The following OR52B6 variants were observed in gnomAD, a reference collection of about 807,000 sequenced individuals.
The protein encoded by OR52B6 is olfactory receptor family 52 subfamily B member 6.
For synonymous variants in OR52B6, 169 were observed against 160.0 expected (o/e 1.06, Z -0.42); for missense variants, 433 against 416.8 (o/e 1.04, Z -0.34).
rs1328807238 is a variant in OR52B6, at chr11:5,581,130, T to A, written c.254T>A (p.Met85Lys). 6.2e-7 allele frequency: 1 copy of A among 1,614,060 alleles called. No individual in the cohort carries two copies. The highest frequency in any genetic ancestry group is 2.2e-5 in the East Asian group (1 of 44,888). Residue 85 changes from methionine (M) to lysine (K), a missense_variant, in exon 1 of 1, where the codon ATG becomes AAG. Physicochemically the swap from Met to Lys is moderately conservative, Grantham distance 95. Transcript: ENST00000345043. ...LHEPMYIFLS[M>K]LASADVLLST... ...GAGCCCATGTACATATTCTTATCTA[T>A]GCTGGCCAGTGCTGATGTCTTGCTC... is the stretch of plus-strand genomic sequence containing the variant.
rs754714206 is a variant in OR52B6 at position 5,581,105 on chromosome 11, G to C, written c.229G>C (p.Glu77Gln). 6.2e-7 allele frequency: 1 copy of C among 1,614,194 alleles called. No individual in the cohort carries two copies. ...CATCCTCTCCCAGGCAATCCTGCAT[G>C]AGCCCATGTACATATTCTTATCTAT... ...CVILSQAILH[E>Q]PMYIFLSMLA... is the part of the protein sequence containing the mutation. Residue 77 changes from glutamate to glutamine, a missense_variant, in exon 1 of 1, where the codon GAG becomes CAG. Coordinates refer to ENST00000345043, the MANE Select transcript of OR52B6 (RefSeq NM_001005162.2).
rs1847167848 is a variant in OR52B6, at chr11:5,581,594, A to G, written c.718A>G (p.Ile240Val). Residue 240 changes from isoleucine (I) to valine (V), a missense_variant, in exon 1 of 1, where the codon ATC becomes GTC. Coordinates refer to ENST00000345043, the MANE Select transcript of OR52B6 (RefSeq NM_001005162.2). ...IMLITVSYIH[I>V]LQAVFRLLSQ... ...GCTTATTACTGTTTCCTACATCCACATCCTCCAAGCAGTCTTCCGCCTCCT... is the reference window on the plus strand; with the variant it reads ...GCTTATTACTGTTTCCTACATCCACGTCCTCCAAGCAGTCTTCCGCCTCCT... The G allele has an allele frequency of 6.2e-7, 1 of 1,613,874 alleles. No homozygotes were observed. Among genetic ancestry groups the G allele is most frequent in the African/African-American group, 1.3e-5 (1 of 74,834 alleles).
At position 5,580,972 on chromosome 11, in the gene OR52B6, C is replaced by A; in HGVS notation, c.96C>A (p.Cys32Ter). Residue 32 changes from cysteine (C) to a stop codon, truncating the protein, a stop_gained, in exon 1 of 1, where the codon TGC (cysteine) becomes TGA (stop). Transcript: ENST00000345043. LOFTEE classifies it low-confidence loss of function (END_TRUNC). The part of the protein sequence containing the change: ...MNNSDTRIAG[C>*]FLTGIPGLEQ... ...ACTCTGACACTCGCATAGCAGGCTG[C>A]TTCCTCACTGGCATCCCTGGGCTGG... The A allele has an allele frequency of 6.2e-7, 1 of 1,613,990 alleles. No individual in the cohort carries two copies. The highest frequency in any genetic ancestry group is 8.5e-7 in the Non-Finnish European group (1 of 1,179,922).
At position 5,581,617 on chromosome 11, in the gene OR52B6, C is replaced by A. The variant is rs1427484443; in HGVS notation, c.741C>A (p.Leu247=). 2.5e-6 allele frequency: 4 copies of A among 1,614,058 alleles called. No homozygotes were observed. The highest frequency in any genetic ancestry group is 3.4e-6 in the Non-Finnish European group (4 of 1,180,048). Residue 247 remains leucine, a synonymous_variant, in exon 1 of 1, where the codon CTC becomes CTA. Transcript: ENST00000345043. ...YIHILQAVFR[L]LSQDARSKAL... ...ACATCCTCCAAGCAGTCTTCCGCCT[C>A]CTTTCTCAAGATGCCCGCTCCAAGG... is the stretch of plus-strand genomic sequence containing the variant.
Position 5,581,835 on chromosome 11 carries a change from T to A in OR52B6, c.959T>A (p.Leu320Gln), listed in dbSNP as rs1270665275. 2 of 1,608,516 alleles carry A rather than the reference T, an allele frequency of 1.2e-6. No individual in the cohort carries two copies. Among genetic ancestry groups the A allele is most frequent in the East Asian group, 4.5e-5 (2 of 44,878 alleles). ...TATGGAGTGAGGACTAAGCCAATAC[T>A]GGAAGGGGCTAAGCAGATGTTTTCA... is the stretch of plus-strand genomic sequence containing the variant. ...VIYGVRTKPILEGAKQMFSNL... is the reference protein window; with the variant it reads ...VIYGVRTKPIQEGAKQMFSNL... Residue 320 changes from leucine to glutamine, a missense_variant, in exon 1 of 1, where the codon CTG becomes CAG. Coordinates refer to ENST00000345043, the MANE Select transcript of OR52B6 (RefSeq NM_001005162.2).
Position 5,580,901 on chromosome 11 carries a change from A to G in OR52B6, c.25A>G (p.Lys9Glu). MAQVRALH[K>E]IMALFSANSI... Reference sequence around the variant, plus strand: ...TATGGCACAGGTGAGGGCGCTGCATAAAATCATGGCCCTTTTTTCTGCTAA... The same window carrying G: ...TATGGCACAGGTGAGGGCGCTGCATGAAATCATGGCCCTTTTTTCTGCTAA... Residue 9 changes from lysine to glutamate, a missense_variant, in exon 1 of 1, where the codon AAA (lysine) becomes GAA (glutamate). Transcript: ENST00000345043. 1 of 1,584,054 alleles carries G rather than the reference A, an allele frequency of 6.3e-7. No individual in the cohort carries two copies. Among genetic ancestry groups the G allele is most frequent in the Non-Finnish European group, 8.6e-7 (1 of 1,167,214 alleles).
Position 5,581,301 on chromosome 11 carries a change from A to G in OR52B6, c.425A>G (p.Tyr142Cys). 6.2e-7 allele frequency: 1 copy of G among 1,613,740 alleles called. No homozygotes were observed. Among genetic ancestry groups the G allele is most frequent in the Non-Finnish European group, 8.5e-7 (1 of 1,179,866 alleles). ...CTGCTGGCCATGGCCTTTGACCGCT[A>G]TGTGGCCATCTGCTCCCCCCTGCGA... ...AVLLAMAFDRYVAICSPLRYV... is the reference protein window; with the variant it reads ...AVLLAMAFDRCVAICSPLRYV... The change falls in exon 1 of 1, where the codon TAT (tyrosine) becomes TGT (cysteine). Residue 142 changes from tyrosine to cysteine, a missense_variant. Coordinates refer to ENST00000345043, the MANE Select transcript of OR52B6 (RefSeq NM_001005162.2).
At position 5,581,158 on chromosome 11, in the gene OR52B6, T is replaced by C. The variant is rs1336995042; in HGVS notation, c.282T>C (p.Ser94=). Residue 94 remains serine (S), a synonymous_variant, in exon 1 of 1, where the codon TCT becomes TCC. Coordinates refer to ENST00000345043, the MANE Select transcript of OR52B6 (RefSeq NM_001005162.2). ...TGGCCAGTGCTGATGTCTTGCTCTC[T>C]ACCACCACCATGCCTAAGGCCCTGG... The part of the protein sequence containing the change: ...SMLASADVLL[S]TTTMPKALAN... 1 of 1,613,446 alleles carries C rather than the reference T, an allele frequency of 6.2e-7. No individual in the cohort carries two copies. The highest frequency in any genetic ancestry group is 1.7e-5 in the Admixed American group (1 of 59,984).
chr11:5,581,584 C>T lies in OR52B6; in HGVS notation c.708C>T (p.Ser236=). ...TGLDIMLITV[S]YIHILQAVFR... ...TAGACATCATGCTTATTACTGTTTC[C>T]TACATCCACATCCTCCAAGCAGTCT... is the stretch of plus-strand genomic sequence containing the variant. Residue 236 remains serine, a synonymous_variant, in exon 1 of 1, where the codon TCC becomes TCT. Coordinates refer to ENST00000345043, the MANE Select transcript of OR52B6 (RefSeq NM_001005162.2). The T allele has an allele frequency of 6.2e-7, 1 of 1,614,106 alleles. No homozygotes were observed. Among genetic ancestry groups the T allele is most frequent in the Non-Finnish European group, 8.5e-7 (1 of 1,180,000 alleles).
rs1428447248 is a variant in OR52B6, at chr11:5,581,792, A to G, written c.916A>G (p.Met306Val). ...CAGCCTCTACGTTGTCATTCCTCCT[A>G]TGCTCAATCCCGTTATTTATGGAGT... ...LASLYVVIPPMLNPVIYGVRT... is the reference protein window; with the variant it reads ...LASLYVVIPPVLNPVIYGVRT... The change falls in exon 1 of 1, where the codon ATG becomes GTG. Residue 306 changes from methionine to valine, a missense_variant. Coordinates refer to ENST00000345043, the MANE Select transcript of OR52B6 (RefSeq NM_001005162.2). The G allele has an allele frequency of 6.2e-7, 1 of 1,613,394 alleles. No homozygotes were observed. Among genetic ancestry groups the G allele is most frequent in the Admixed American group, 1.7e-5 (1 of 59,982 alleles).
Position 5,581,104 on chromosome 11 carries a change from T to C in OR52B6, c.228T>C (p.His76=). The C allele has an allele frequency of 1.9e-6, 3 of 1,613,786 alleles. No homozygotes were observed. Among genetic ancestry groups the C allele is most frequent in the Non-Finnish European group, 2.5e-6 (3 of 1,179,662 alleles). ...TCATCCTCTCCCAGGCAATCCTGCA[T>C]GAGCCCATGTACATATTCTTATCTA... ...ICVILSQAIL[H]EPMYIFLSML... Residue 76 remains histidine (H), a synonymous_variant, in exon 1 of 1, where the codon CAT becomes CAC. Coordinates refer to ENST00000345043, the MANE Select transcript of OR52B6 (RefSeq NM_001005162.2).
Position 5,581,835 on chromosome 11 carries a change from T to C in OR52B6, c.959T>C (p.Leu320Pro). 6.2e-7 allele frequency: 1 copy of C among 1,608,516 alleles called. No individual in the cohort carries two copies. The highest frequency in any genetic ancestry group is 2.2e-5 in the East Asian group (1 of 44,878). The change falls in exon 1 of 1, where the codon CTG becomes CCG. Residue 320 changes from leucine to proline, a missense_variant. Transcript: ENST00000345043. Reference sequence around the variant, plus strand: ...TATGGAGTGAGGACTAAGCCAATACTGGAAGGGGCTAAGCAGATGTTTTCA... The same window carrying C: ...TATGGAGTGAGGACTAAGCCAATACCGGAAGGGGCTAAGCAGATGTTTTCA... ...VIYGVRTKPILEGAKQMFSNL... is the reference protein window; with the variant it reads ...VIYGVRTKPIPEGAKQMFSNL...
chr11:5,581,450 A>G lies in OR52B6; in HGVS notation c.574A>G (p.Ile192Val). Residue 192 changes from isoleucine (I) to valine (V), a missense_variant, in exon 1 of 1, where the codon ATC (isoleucine) becomes GTC (valine). Physicochemically the swap from Ile to Val is conservative, Grantham distance 29 (BLOSUM62 3). Coordinates refer to ENST00000345043, the MANE Select transcript of OR52B6 (RefSeq NM_001005162.2). ...GCACCTGCACTATTGCCAGATCAAT[A>G]TCATTGCACACACATTTTGTGAGCA... ...LEHLHYCQIN[I>V]IAHTFCEHMG... 1.2e-6 allele frequency: 2 copies of G among 1,614,054 alleles called. 1 individual carries two copies. The highest frequency in any genetic ancestry group is 2.2e-5 in the South Asian group (2 of 91,074).
Position 5,581,599 on chromosome 11 carries a change from C to T in OR52B6, c.723C>T (p.Leu241=). 1 of 1,614,172 alleles carries T rather than the reference C, an allele frequency of 6.2e-7. No individual in the cohort carries two copies. Among genetic ancestry groups the T allele is most frequent in the Non-Finnish European group, 8.5e-7 (1 of 1,180,028 alleles). Residue 241 remains leucine (L), a synonymous_variant, in exon 1 of 1, where the codon CTC becomes CTT. Transcript: ENST00000345043. ...TTACTGTTTCCTACATCCACATCCT[C>T]CAAGCAGTCTTCCGCCTCCTTTCTC... ...MLITVSYIHI[L]QAVFRLLSQD...
rs1847161047 is a variant in OR52B6 at position 5,581,086 on chromosome 11, C to T, written c.210C>T (p.Leu70=). ...EGNGILICVI[L]SQAILHEPMY... ...ATGGCATCCTAATTTGTGTCATCCT[C>T]TCCCAGGCAATCCTGCATGAGCCCA... is the stretch of plus-strand genomic sequence containing the variant. The change falls in exon 1 of 1, where the codon CTC becomes CTT. Residue 70 remains leucine (L), a synonymous_variant. Transcript: ENST00000345043. The T allele has an allele frequency of 6.2e-7, 1 of 1,614,192 alleles. No individual in the cohort carries two copies. The highest frequency in any genetic ancestry group is 8.5e-7 in the Non-Finnish European group (1 of 1,180,016).
rs762427785 is a variant in OR52B6, at chr11:5,581,274, T to C, written c.398T>C (p.Val133Ala). The change falls in exon 1 of 1, where the codon GTC becomes GCC. Residue 133 changes from valine to alanine, a missense_variant. Coordinates refer to ENST00000345043, the MANE Select transcript of OR52B6 (RefSeq NM_001005162.2). Reference protein sequence around the residue: ...FIHFLFIHSAVLLAMAFDRYV... With the variant: ...FIHFLFIHSAALLAMAFDRYV... ...CACTTCCTCTTCATTCACTCTGCTGTCCTGCTGGCCATGGCCTTTGACCGC... is the reference window on the plus strand; with the variant it reads ...CACTTCCTCTTCATTCACTCTGCTGCCCTGCTGGCCATGGCCTTTGACCGC... The C allele has an allele frequency of 1.1e-5, 18 of 1,614,146 alleles. No individual in the cohort carries two copies. Among genetic ancestry groups the C allele is most frequent in the Non-Finnish European group, 1.4e-5 (17 of 1,180,010 alleles).
In OR52B6 at chr11:5,580,913, C is replaced by T; in HGVS notation, c.37C>T (p.Leu13Phe). The change falls in exon 1 of 1, where the codon CTT becomes TTT. Residue 13 changes from leucine (L) to phenylalanine (F), a missense_variant. Coordinates refer to ENST00000345043, the MANE Select transcript of OR52B6 (RefSeq NM_001005162.2). Reference sequence around the variant, plus strand: ...GAGGGCGCTGCATAAAATCATGGCCCTTTTTTCTGCTAACAGCATAGGTGC... The same window carrying T: ...GAGGGCGCTGCATAAAATCATGGCCTTTTTTTCTGCTAACAGCATAGGTGC... ...QVRALHKIMA[L>F]FSANSIGAMN... is the part of the protein sequence containing the mutation. 1 of 1,592,138 alleles carries T rather than the reference C, an allele frequency of 6.3e-7. No homozygotes were observed. Among genetic ancestry groups the T allele is most frequent in the Non-Finnish European group, 8.5e-7 (1 of 1,171,168 alleles).
In OR52B6 at chr11:5,580,913, C is replaced by G; in HGVS notation, c.37C>G (p.Leu13Val). The G allele has an allele frequency of 6.3e-7, 1 of 1,592,138 alleles. No homozygotes were observed. The highest frequency in any genetic ancestry group is 8.5e-7 in the Non-Finnish European group (1 of 1,171,168). Residue 13 changes from leucine (L) to valine (V), a missense_variant, in exon 1 of 1, where the codon CTT becomes GTT. Transcript: ENST00000345043. Reference protein sequence around the residue: ...QVRALHKIMALFSANSIGAMN... With the variant: ...QVRALHKIMAVFSANSIGAMN... ...GAGGGCGCTGCATAAAATCATGGCCCTTTTTTCTGCTAACAGCATAGGTGC... is the reference window on the plus strand; with the variant it reads ...GAGGGCGCTGCATAAAATCATGGCCGTTTTTTCTGCTAACAGCATAGGTGC...
rs567054329 is a variant in OR52B6, at chr11:5,580,991, G to A, written c.115G>A (p.Gly39Arg). Reference sequence around the variant, plus strand: ...AGGCTGCTTCCTCACTGGCATCCCTGGGCTGGAGCAACTACATATCTGGCT... The same window carrying A: ...AGGCTGCTTCCTCACTGGCATCCCTAGGCTGGAGCAACTACATATCTGGCT... ...IAGCFLTGIP[G>R]LEQLHIWLSI... The change falls in exon 1 of 1, where the codon GGG becomes AGG. Residue 39 changes from glycine to arginine, a missense_variant. Physicochemically the swap from Gly to Arg is moderately radical, Grantham distance 125. Transcript: ENST00000345043. The A allele has an allele frequency of 3.2e-5, 51 of 1,614,084 alleles. No individual in the cohort carries two copies. In the South Asian group the frequency reaches 5.1e-4, roughly 16 times the overall value.
Sources: gnomAD v4.1 joint callset for allele counts on GRCh38, gnomAD v4.1.1 for gene constraint, MANE v1.5 for transcripts, NCBI Gene and HGNC (gene_info 2026-07-23, HGNC 2026-07-21) for gene names.